PATJ: variants seen among roughly 807,000 people sequenced by gnomAD.
PATJ encodes the protein inaD-like protein.
PATJ carries 190 observed loss-of-function variants against 224.9 expected under a neutral mutation model. That is an observed-to-expected ratio of 0.84 (90% CI 0.75 to 0.95). The LOEUF (loss-of-function observed/expected upper bound fraction) is 0.95, where lower values mean the gene tolerates loss of function less well. Among genes scored for constraint, PATJ ranks in the 40% least tolerant of loss-of-function variants. The pLI, the probability that PATJ is intolerant of heterozygous loss-of-function variation, is 0.00. For missense variants in PATJ, 2,121 were observed against 2,270.3 expected (o/e 0.93, Z 1.34); for synonymous variants, 769 against 820.3 (o/e 0.94, Z 1.07).
At chr1:61,979,533 A>G (rs1041194143) in intron 27 of PATJ, among the ~76,000 whole-genome samples, 1 of 151,814 alleles carries the variant, frequency 6.6e-6, no homozygotes, top group East Asian at 1.9e-4. Flanking sequence ...TGTACCTGTA[A>G]TCCCAGCTAG....
chr1:61,930,766 G>A (rs1383650786), intron 27 of PATJ, among the ~76,000 whole-genome samples: 2 of 152,050 alleles, frequency 1.3e-5, no homozygotes, highest in Non-Finnish European at 2.9e-5. Flanking sequence ...GGCATGCAGT[G>A]GCATGATCTC....
Position 62,159,826 on chromosome 1 carries a change from G to T in PATJ, c.5503-1082G>T, listed in dbSNP as rs139697070. ...CCCAAAGTGCTGGGATTACAGGCATGAGCCACTGCACCCAGCAGGTTTTGA... is the reference window on the plus strand; with the variant it reads ...CCCAAAGTGCTGGGATTACAGGCATTAGCCACTGCACCCAGCAGGTTTTGA... On this transcript the variant is annotated intron_variant, in intron 43 of 43. Coordinates refer to ENST00000642238, the MANE Select transcript of PATJ (RefSeq NM_001350145.3). Among the ~76,000 whole-genome samples the T allele has an allele frequency of 1.9e-3, 296 of 152,278 alleles. 1 individual carries two copies. Among genetic ancestry groups the T allele is most frequent in the African/African-American group, 7.0e-3 (289 of 41,568 alleles).
At chr1:62,051,212 T>C (rs1653553806) in intron 31 of PATJ, among the ~76,000 whole-genome samples, 154 bp downstream of exon 31, 2 of 152,216 alleles carry the variant, frequency 1.3e-5, no homozygotes, top group African/African-American at 4.8e-5. Flanking sequence ...GAGTGACCCA[T>C]TGACTCTGAA....
At position 62,121,728 on chromosome 1, in the gene PATJ, C is replaced by G. The variant is rs139532600; in HGVS notation, c.5005+433C>G. Among the ~76,000 whole-genome samples, 923 of 151,476 alleles carry G rather than the reference C, an allele frequency of 6.1e-3. 12 individuals are homozygous for G. Among genetic ancestry groups the G allele is most frequent in the African/African-American group, 0.021 (877 of 41,236 alleles). ...GGTGGAGGTTGCAGTGAGCCAAGAT[C>G]GTGCCACTGCACTCCAGCCTGGGTG... On this transcript the variant is annotated intron_variant, in intron 38 of 43. Transcript: ENST00000642238.
chr1:62,094,484 A>G (rs1432397557), intron 33 of PATJ, among the ~76,000 whole-genome samples: 1 of 151,152 alleles, frequency 6.6e-6, no homozygotes. Context: ...GGCTCAAGCA[A>G]TCCTCCTGCC....
chr1:61,926,916 T>C (rs1344559893), intron 26 of PATJ, among the ~76,000 whole-genome samples: 1 of 152,238 alleles, frequency 6.6e-6, no homozygotes, highest in Non-Finnish European at 1.5e-5. Context: ...TGTAGCATAA[T>C]CCAGTTATTT....
At chr1:61,771,169 A>G (rs1205168227) in intron 5 of PATJ, among the ~76,000 whole-genome samples, 1 of 152,080 alleles carries the variant, frequency 6.6e-6, no homozygotes. Flanking sequence ...GTGGGGTCCT[A>G]TAGATTGTTT....
At chr1:62,137,794 C>T (rs946974813) in intron 41 of PATJ, among the ~76,000 whole-genome samples, 4 of 152,000 alleles carry the variant, frequency 2.6e-5, no homozygotes, top group African/African-American at 7.2e-5. Flanking sequence ...CTGCAGCCTC[C>T]CCGTCCTCTG....
chr1:62,043,727 G>T (rs966369108), intron 30 of PATJ, among the ~76,000 whole-genome samples: 3 of 67,322 alleles, frequency 4.5e-5, no homozygotes, highest in South Asian at 5.1e-4. Flanking sequence ...GTTTTGGTTT[G>T]GGGGGGGCAG....
At chr1:62,110,327 G>A (rs1009335818) in intron 34 of PATJ, among the ~76,000 whole-genome samples, 2 of 152,186 alleles carry the variant, frequency 1.3e-5, no homozygotes, top group Non-Finnish European at 2.9e-5. Flanking sequence ...GGCATCGGCA[G>A]CCTGTGACCC....
At chr1:61,825,726 A>G (rs1183259081) in intron 15 of PATJ, among the ~76,000 whole-genome samples, 1 of 152,210 alleles carries the variant, frequency 6.6e-6, no homozygotes, top group Non-Finnish European at 1.5e-5. Flanking sequence ...ATTGGAGACA[A>G]TTCAAATGAA....
chr1:62,138,926 TCTC>T (rs1329179540), intron 41 of PATJ, among the ~76,000 whole-genome samples: 1 of 151,892 alleles, frequency 6.6e-6, no homozygotes, highest in Admixed American at 6.6e-5. Flanking sequence ...TTCCTTCCCC[TCTC>T]CTCTATCCAC....
chr1:62,154,635 T>G (rs1668982545), intron 43 of PATJ, among the ~76,000 whole-genome samples: 2 of 124,088 alleles, frequency 1.6e-5, no homozygotes, highest in African/African-American at 3.2e-5. Context: ...CACTCCAGCC[T>G]GGGCAATCCA....
chr1:61,848,664 C>A (rs996146930), intron 17 of PATJ, among the ~76,000 whole-genome samples: 1 of 152,144 alleles, frequency 6.6e-6, no homozygotes, highest in Admixed American at 6.5e-5. Context: ...GATCCTACCC[C>A]CTTGGCCTCC....
rs1224837696 is a variant in PATJ, at chr1:62,117,141, G to A, written c.4813G>A (p.Gly1605Arg). ...TVATILKCAQGLVQLEIGRLR... is the reference protein window; with the variant it reads ...TVATILKCAQRLVQLEIGRLR... Reference sequence around the variant, plus strand: ...TTCTTGCCTTTCCAAGTGTGCACAGGGACTTGTGCAGCTAGAGATTGGAAG... The same window carrying A: ...TTCTTGCCTTTCCAAGTGTGCACAGAGACTTGTGCAGCTAGAGATTGGAAG... Residue 1605 changes from glycine (G) to arginine (R), a missense_variant, in exon 37 of 44, where the codon GGA becomes AGA. Coordinates refer to ENST00000642238, the MANE Select transcript of PATJ (RefSeq NM_001350145.3). 10 of 1,613,760 alleles carry A rather than the reference G, an allele frequency of 6.2e-6. No individual in the cohort carries two copies. Among genetic ancestry groups the A allele is most frequent in the Non-Finnish European group, 6.8e-6 (8 of 1,179,834 alleles).
At chr1:61,862,266 G>A (rs149886999) in intron 19 of PATJ, among the ~76,000 whole-genome samples, 2,218 of 150,330 alleles carry the variant, frequency 0.015, 70 homozygotes, top group African/African-American at 0.052. Context: ...GTGTGATCTC[G>A]GCTCACTGCA....
rs202216894 is a variant in PATJ, at chr1:61,796,658, TTTTCTTTCTTTCTTTCTTTC to T, written c.1261-581_1261-562del. 9.6e-4 allele frequency among the ~76,000 whole-genome samples: 100 copies of T among 103,730 alleles called. 1 individual carries two copies. The highest frequency in any genetic ancestry group is 2.8e-3 in the African/African-American group (86 of 30,962). 68.1% of individuals were successfully genotyped at this position (103,730 alleles called of 152,430 possible). On this transcript the variant is annotated intron_variant, in intron 10 of 43. Transcript: ENST00000642238. Reference sequence around the variant, plus strand: ...AAATATATCCTAAGGTCTAAATTTATTTTCTTTCTTTCTTTCTTTCTTTCTTTCTTTCTTTCTTTCTTTCT... The same window carrying T: ...AAATATATCCTAAGGTCTAAATTTATTTTCTTTCTTTCTTTCTTTCTTTCT...
chr1:62,072,384 A>G (rs1232349267), intron 31 of PATJ: 1 of 152,088 alleles, frequency 6.6e-6, no homozygotes, highest in East Asian at 1.9e-4. Context: ...AGATAGTTTT[A>G]TAGGGATATT....
At chr1:61,752,956 G>A (rs1645416042) in intron 1 of PATJ, among the ~76,000 whole-genome samples, 3 of 152,166 alleles carry the variant, frequency 2.0e-5, no homozygotes, top group South Asian at 4.1e-4. Flanking sequence ...TTGTATGGCA[G>A]CAGATGTATT....
Sources: gnomAD v4.1 joint callset for allele counts (sites outside exome capture counted in the v4.1 genomes callset) on GRCh38, gnomAD v4.1.1 for gene constraint, MANE v1.5 for transcripts, NCBI Gene and HGNC (gene_info 2026-07-23, HGNC 2026-07-21) for gene names.